Variants in CBLL1 observed in about 807,000 individuals in gnomAD.
The protein encoded by CBLL1 is Cbl proto-oncogene like 1, also known as E3 ubiquitin-protein ligase Hakai.
CBLL1 carries 4 observed loss-of-function variants against 44.9 expected under a neutral mutation model. The ratio of observed to expected loss-of-function variants is 0.09; its 90% CI spans 0.04 to 0.20. CBLL1 has a LOEUF of 0.20. Among genes scored for constraint, CBLL1 ranks in the 10% least tolerant of loss-of-function variants. The pLI is 1.00. For synonymous variants in CBLL1, 235 were observed against 202.2 expected, an observed-to-expected ratio of 1.16 and a Z score of -1.38; for missense variants, 569 against 636.7, an observed-to-expected ratio of 0.89 and a Z score of 1.14.
At chr7:107,752,631 A>G (rs972466188) in intron 2 of CBLL1, 5 of 1,245,226 alleles carry the variant, frequency 4.0e-6, no homozygotes, top group Middle Eastern at 2.2e-4. Flanking sequence ...ATTGGATTCT[A>G]CCTAGAATTC....
chr7:107,746,690 C>G (rs193190560), intron 1 of CBLL1, among the ~76,000 whole-genome samples: 1 of 152,116 alleles, frequency 6.6e-6, no homozygotes, highest in Admixed American at 6.5e-5. Context: ...AGATGAAACC[C>G]TTGAACATTA....
chr7:107,754,901 G>T (rs1244947511), intron 4 of CBLL1, among the ~76,000 whole-genome samples: 4 of 152,046 alleles, frequency 2.6e-5, no homozygotes, highest in African/African-American at 9.7e-5. Context: ...GAGGTGGGAG[G>T]ATTGCCAGAG....
At chr7:107,752,474 G>A in intron 2 of CBLL1, 1 of 628,788 alleles carries the variant, frequency 1.6e-6, no homozygotes, top group South Asian at 1.5e-5. Flanking sequence ...GTCTGTGTCT[G>A]TGTATAGGTG....
Position 107,760,206 on chromosome 7 carries a change from C to G in CBLL1, c.*1028C>G, listed in dbSNP as rs776814588. On this transcript the variant is annotated 3_prime_UTR_variant, in exon 6 of 6. Coordinates refer to ENST00000440859, the MANE Select transcript of CBLL1 (RefSeq NM_024814.4). ...GGGTTCTTGTTTATAGGATTTTCAA[C>G]TACAGTTTGAATGCCATGGAGGAAT... The G allele has an allele frequency of 1.3e-5, 2 of 152,154 alleles. No homozygotes were observed. Among genetic ancestry groups the G allele is most frequent in the Non-Finnish European group, 2.9e-5 (2 of 67,956 alleles). 9.4% of individuals were successfully genotyped at this position (152,154 alleles called of 1,614,324 possible). A position where few individuals can be genotyped will look rare whatever the true frequency, so the allele number is the denominator to read the frequency against.
In CBLL1 at chr7:107,760,600, A is replaced by T. The variant is rs918397771; in HGVS notation, c.*1422A>T. The T allele has an allele frequency of 6.6e-6, 1 of 152,244 alleles. No homozygotes were observed. Among genetic ancestry groups the T allele is most frequent in the African/African-American group, 2.4e-5 (1 of 41,460 alleles). The allele number at this position is 152,244 out of a possible 1,614,324, so 9.4% of individuals were successfully genotyped here. A position where few individuals can be genotyped will look rare whatever the true frequency, so the allele number is the denominator to read the frequency against. ...TCAACATTCTTAGGATATTATTTAT[A>T]TCCTTTGAATAAATCCCTGTGAAGT... On this transcript the variant is annotated 3_prime_UTR_variant, in exon 6 of 6. Transcript: ENST00000440859.
At chr7:107,753,356 C>T in intron 2 of CBLL1, 55 bp from the exon 3 acceptor site, 1 of 1,249,898 alleles carries the variant, frequency 8.0e-7, no homozygotes. Context: ...ATATGTGCTT[C>T]CAAAATGAAA....
At chr7:107,748,090 C>A (rs953100836) in intron 1 of CBLL1, among the ~76,000 whole-genome samples, 3 of 152,016 alleles carry the variant, frequency 2.0e-5, no homozygotes, top group African/African-American at 7.2e-5. Context: ...AAATAATACT[C>A]CTGTTACTCA....
chr7:107,750,872 ATGGTC>A (rs773622811), intron 2 of CBLL1, among the ~76,000 whole-genome samples: 65,121 of 151,804 alleles, frequency 0.43, 14,161 homozygotes, highest in East Asian at 0.63. Context: ...TTGAGACCAT[ATGGTC>A]CACAAAGCGT....
chr7:107,750,674 TC>T (rs1793244780), intron 2 of CBLL1, among the ~76,000 whole-genome samples: 1 of 152,172 alleles, frequency 6.6e-6, no homozygotes, highest in African/African-American at 2.4e-5. Context: ...TGAAAGGCCT[TC>T]CCCTATTTCA....
In CBLL1 at chr7:107,750,495, G is replaced by C. The variant is rs1410257187; in HGVS notation, c.181+1448G>C. Among the ~76,000 whole-genome samples, 7 of 152,000 alleles carry C rather than the reference G, an allele frequency of 4.6e-5. No individual in the cohort carries two copies. In the East Asian group the frequency reaches 1.4e-3, roughly 29 times the overall value. Reference sequence around the variant, plus strand: ...TAATTTTTGTATTTTTAGTGGAGACGGGGTTTCACTGTGTTAGCCAGGATG... The same window carrying C: ...TAATTTTTGTATTTTTAGTGGAGACCGGGTTTCACTGTGTTAGCCAGGATG... On this transcript the variant is annotated intron_variant, in intron 2 of 5. Coordinates refer to ENST00000440859, the MANE Select transcript of CBLL1 (RefSeq NM_024814.4).
At position 107,758,027 on chromosome 7, in the gene CBLL1, GA is replaced by G; in HGVS notation, c.441-115del. ...AGAATAACTGTAACTTCTAATTGTG[GA>G]CTTTTGCTATGTTTTATGTAACAGT... On this transcript the variant is annotated intron_variant, in intron 5 of 5. Transcript: ENST00000440859. The surrounding 1 kb of genome is among the most constrained non-coding windows in gnomAD (Gnocchi z 4.2). 2.2e-6 allele frequency: 2 copies of G among 909,082 alleles called. No homozygotes were observed. Among genetic ancestry groups the G allele is most frequent in the Non-Finnish European group, 3.2e-6 (2 of 615,552 alleles). 56.3% of individuals were successfully genotyped at this position (909,082 alleles called of 1,614,324 possible).
intron 5 of CBLL1, among the ~76,000 whole-genome samples, chr7:107,756,421 A>G (rs1793529451): frequency 6.6e-6 from 1 of 152,204 alleles, no homozygotes; most frequent in Non-Finnish European, 1.5e-5. Context: ...TTAGCATTTT[A>G]AAGTAACAGA....
At chr7:107,754,880 TTTGGGAGGCTGAG>T (rs1793458813) in intron 4 of CBLL1, among the ~76,000 whole-genome samples, 1 of 152,070 alleles carries the variant, frequency 6.6e-6, no homozygotes, top group African/African-American at 2.4e-5. Flanking sequence ...ATCCCAGGGC[TTTGGGAGGCTGAG>T]GTGGGAGGAT....
Position 107,758,396 on chromosome 7 carries a change from A to C in CBLL1, c.694A>C (p.Ile232Leu). Residue 232 changes from isoleucine to leucine, a missense_variant, in exon 6 of 6, where the codon ATT (isoleucine) becomes CTT (leucine). This residue lies in a region of CBLL1 where 111 missense variants were observed against 113.0 expected (regional missense o/e 0.98). Coordinates refer to ENST00000440859, the MANE Select transcript of CBLL1 (RefSeq NM_024814.4). This position sits in a 1 kb window ranked among gnomAD's most constrained non-coding sequence, Gnocchi z 4.2. The stretch of plus-strand genomic sequence containing the variant: ...ACCAGACAAGCACCATATGAGCCAT[A>C]TTCCGCCAAAGCAGCACATCATGAT... ...MPPDKHHMSH[I>L]PPKQHIMMPP... 6.2e-7 allele frequency: 1 copy of C among 1,614,098 alleles called. No individual in the cohort carries two copies. Among genetic ancestry groups the C allele is most frequent in the South Asian group, 1.1e-5 (1 of 91,064 alleles).
At chr7:107,756,040 T>G (rs1793513641) in intron 5 of CBLL1, among the ~76,000 whole-genome samples, 1 of 152,184 alleles carries the variant, frequency 6.6e-6, no homozygotes. Context: ...CAAATCTGAT[T>G]ATTGTATTTG....
At position 107,759,203 on chromosome 7, in the gene CBLL1, TGA is replaced by T. The variant is rs1269739832; in HGVS notation, c.*27_*28del. ...ATAATAGTATTTTGAATGGAAGATA[TGA>T]GGGGGAAAAAAACTTATGTGTAGTC... On this transcript the variant is annotated 3_prime_UTR_variant, in exon 6 of 6. Transcript: ENST00000440859. The T allele has an allele frequency of 6.5e-7, 1 of 1,542,956 alleles. No homozygotes were observed. The highest frequency in any genetic ancestry group is 1.4e-5 in the African/African-American group (1 of 72,430).
At position 107,758,156 on chromosome 7, in the gene CBLL1, G is replaced by C. The variant is rs1402799731; in HGVS notation, c.454G>C (p.Val152Leu). The C allele has an allele frequency of 6.2e-7, 1 of 1,601,382 alleles. No individual in the cohort carries two copies. The change falls in exon 6 of 6, where the codon GTG (valine) becomes CTG (leucine). Residue 152 changes from valine (V) to leucine (L), a missense_variant. This residue lies in a region of CBLL1 where 209 missense variants were observed against 202.8 expected (regional missense o/e 1.03). Transcript: ENST00000440859. The surrounding 1 kb of genome is among the most constrained non-coding windows in gnomAD (Gnocchi z 4.2). ...CTTCTAATTTAGCTGTAGTGATCCTGTGCAGCGAATTGAGCAGTGTACACG... is the reference window on the plus strand; with the variant it reads ...CTTCTAATTTAGCTGTAGTGATCCTCTGCAGCGAATTGAGCAGTGTACACG... ...DKMCPGCSDP[V>L]QRIEQCTRGS...
At chr7:107,756,401 C>G (rs754808734) in intron 5 of CBLL1, among the ~76,000 whole-genome samples, 3 of 152,120 alleles carry the variant, frequency 2.0e-5, no homozygotes, top group Non-Finnish European at 4.4e-5. Context: ...ATTCTCTTGG[C>G]ATGTTTTTAT....
intron 4 of CBLL1, among the ~76,000 whole-genome samples, chr7:107,755,120 T>TA (rs1046632313): frequency 1.3e-5 from 2 of 151,610 alleles, no homozygotes; most frequent in Non-Finnish European, 2.9e-5. Context: ...ATCTGTTTCT[T>TA]AAAAAAAAGG....
Sources: gnomAD v4.1 joint callset for allele counts (sites outside exome capture counted in the v4.1 genomes callset) on GRCh38, gnomAD v4.1.1 for gene constraint, gnomAD v4.1.1 regional missense constraint, Gnocchi (gnomAD v3.1) non-coding constraint, MANE v1.5 for transcripts, NCBI Gene and HGNC (gene_info 2026-07-23, HGNC 2026-07-21) for gene names.